The following PLEKHH2 variants were observed in gnomAD, a reference collection of about 807,000 sequenced individuals.
PLEKHH2 encodes pleckstrin homology, MyTH4 and FERM domain containing H2.
PLEKHH2 carries 129 observed loss-of-function variants against 187.9 expected under a neutral mutation model. The ratio of observed to expected loss-of-function variants is 0.69; its 90% CI spans 0.59 to 0.79. PLEKHH2 has a LOEUF of 0.79. Ranked by LOEUF, PLEKHH2 falls within the 30% of genes least tolerant of loss-of-function variation. The probability of loss-of-function intolerance (pLI) is 0.00; values close to 1 mark genes in which losing one functional copy is unlikely to be tolerated. For missense variants in PLEKHH2, 2,076 were observed against 1,751.2 expected (o/e 1.19, Z -3.31); for synonymous variants, 686 against 605.6 (o/e 1.13, Z -1.95).
chr2:43,682,452 A>G (rs1194454489), intron 3 of PLEKHH2, among the ~76,000 whole-genome samples: 1 of 151,882 alleles, frequency 6.6e-6, no homozygotes, highest in Non-Finnish European at 1.5e-5. Flanking sequence ...GACTATAGGC[A>G]CCCACCACCA....
At chr2:43,742,259 C>T (rs1329070809) in intron 21 of PLEKHH2, among the ~76,000 whole-genome samples, 1 of 152,076 alleles carries the variant, frequency 6.6e-6, no homozygotes, top group Non-Finnish European at 1.5e-5. Flanking sequence ...ACTTCAGCCT[C>T]CCAAAGTGCT....
intron 19 of PLEKHH2, among the ~76,000 whole-genome samples, chr2:43,737,440 T>G (rs1671346528): frequency 6.6e-6 from 1 of 152,240 alleles, no homozygotes; most frequent in African/African-American, 2.4e-5. Context: ...TCCCCAACAC[T>G]TAGTGACTTA....
intron 14 of PLEKHH2, chr2:43,710,784 C>A: frequency 7.5e-7 from 1 of 1,339,196 alleles, no homozygotes; most frequent in Non-Finnish European, 9.6e-7. Flanking sequence ...TAACTCCCAC[C>A]ACACTTTACC....
At chr2:43,721,784 A>G (rs1045912922) in intron 16 of PLEKHH2, among the ~76,000 whole-genome samples, 5 of 152,086 alleles carry the variant, frequency 3.3e-5, no homozygotes, top group Non-Finnish European at 7.4e-5. Flanking sequence ...TACTAGGGAG[A>G]TCAAGGTTGG....
intron 4 of PLEKHH2, among the ~76,000 whole-genome samples, chr2:43,693,411 T>A (rs1378968565): frequency 1.3e-5 from 2 of 152,228 alleles, no homozygotes; most frequent in African/African-American, 4.8e-5. Flanking sequence ...TACACCATTT[T>A]TGAACCACTT....
chr2:43,652,483 C>G (rs1352730771), intron 2 of PLEKHH2, among the ~76,000 whole-genome samples: 1 of 152,128 alleles, frequency 6.6e-6, no homozygotes, highest in East Asian at 1.9e-4. Context: ...GCCCTTCACC[C>G]CCAACCTCCT....
intron 10 of PLEKHH2, 152 bp from the exon 11 acceptor site, chr2:43,707,249 C>G (rs1209371594): frequency 1.7e-6 from 1 of 586,016 alleles, no homozygotes; most frequent in Non-Finnish European, 2.8e-6. Context: ...GTAAAACTTT[C>G]TGTTATCTAA....
intron 1 of PLEKHH2, among the ~76,000 whole-genome samples, chr2:43,641,380 G>A (rs1665913502): frequency 6.6e-6 from 1 of 152,066 alleles, no homozygotes; most frequent in Non-Finnish European, 1.5e-5. Context: ...TTTCTTCTAA[G>A]AGTTTAGAGC....
chr2:43,747,991 T>G (rs899670918), intron 24 of PLEKHH2, among the ~76,000 whole-genome samples: 1 of 152,248 alleles, frequency 6.6e-6, no homozygotes, highest in Admixed American at 6.5e-5. Flanking sequence ...TGTCATATTC[T>G]TTGTCAATGT....
chr2:43,653,315 A>G (rs180711441), intron 2 of PLEKHH2, among the ~76,000 whole-genome samples: 1 of 152,346 alleles, frequency 6.6e-6, no homozygotes, highest in East Asian at 1.9e-4. Flanking sequence ...TTCACATACA[A>G]AGCATCAGGA....
chr2:43,736,818 C>G (rs1431776944), intron 19 of PLEKHH2, among the ~76,000 whole-genome samples: 3 of 152,018 alleles, frequency 2.0e-5, no homozygotes, highest in Non-Finnish European at 4.4e-5. Flanking sequence ...AAGACTCCGT[C>G]TAAAAAATAA....
At chr2:43,670,784 G>C (rs372217165) in intron 2 of PLEKHH2, among the ~76,000 whole-genome samples, 2 of 151,906 alleles carry the variant, frequency 1.3e-5, no homozygotes, top group South Asian at 4.2e-4. Flanking sequence ...CAATAATATC[G>C]AGTCTTCTGA....
At chr2:43,684,167 C>T (rs567650785) in intron 3 of PLEKHH2, among the ~76,000 whole-genome samples, 6 of 151,046 alleles carry the variant, frequency 4.0e-5, no homozygotes, top group South Asian at 2.1e-4. Context: ...TGATACTATA[C>T]TCCCCTTCCT....
chr2:43,648,092 G>A (rs917416825), intron 2 of PLEKHH2, among the ~76,000 whole-genome samples: 3 of 152,182 alleles, frequency 2.0e-5, no homozygotes, highest in African/African-American at 7.2e-5. Flanking sequence ...CCGTTAGACC[G>A]TAGATCTTTC....
chr2:43,674,026 C>T (rs570380838), intron 2 of PLEKHH2, among the ~76,000 whole-genome samples: 37 of 152,204 alleles, frequency 2.4e-4, no homozygotes, highest in African/African-American at 7.5e-4. Flanking sequence ...TGATACTGTC[C>T]TTCATATATG....
At chr2:43,719,949 T>C (rs960896753) in intron 15 of PLEKHH2, among the ~76,000 whole-genome samples, 2 of 152,166 alleles carry the variant, frequency 1.3e-5, no homozygotes. Flanking sequence ...TGGAAATCTG[T>C]GAAATGTGGA....
intron 8 of PLEKHH2, 140 bp downstream of exon 8, chr2:43,700,748 G>A: frequency 2.7e-6 from 3 of 1,123,552 alleles, no homozygotes; most frequent in Admixed American, 2.4e-5. Flanking sequence ...CATCTCCCGG[G>A]TTCAAGTGAT....
At chr2:43,756,035 C>G (rs578088312) in intron 25 of PLEKHH2, among the ~76,000 whole-genome samples, 11 of 152,186 alleles carry the variant, frequency 7.2e-5, no homozygotes, top group Admixed American at 5.9e-4. Context: ...GATCTGAACT[C>G]TGCCTGCCCC....
intron 24 of PLEKHH2, among the ~76,000 whole-genome samples, chr2:43,746,331 A>G (rs1671777977): frequency 6.6e-6 from 1 of 152,140 alleles, no homozygotes; most frequent in Non-Finnish European, 1.5e-5. Context: ...CCAACATGGC[A>G]AAACCCCGCC....
Sources: gnomAD v4.1 joint callset for allele counts (sites outside exome capture counted in the v4.1 genomes callset) on GRCh38, gnomAD v4.1.1 for gene constraint, MANE v1.5 for transcripts, NCBI Gene and HGNC (gene_info 2026-07-23, HGNC 2026-07-21) for gene names.